Variants in P3H2 observed in about 807,000 individuals in gnomAD.
P3H2 encodes the protein prolyl 3-hydroxylase 2, also known as leprecan-like 1.
P3H2 carries 80 observed loss-of-function variants against 87.0 expected under a neutral mutation model. That is an observed-to-expected ratio of 0.92 (90% CI 0.77 to 1.11). The LOEUF is 1.11. P3H2 is among the 50% of genes least tolerant of loss of function. The probability of loss-of-function intolerance (pLI) is 0.00; values close to 1 mark genes in which losing one functional copy is unlikely to be tolerated. For synonymous variants in P3H2, 367 were observed against 359.3 expected, an observed-to-expected ratio of 1.02 and a Z score of -0.24; for missense variants, 1,001 against 923.9, an observed-to-expected ratio of 1.08 and a Z score of -1.08.
intron 1 of P3H2, among the ~76,000 whole-genome samples, chr3:190,028,269 G>A (rs1221075964): frequency 2.0e-5 from 3 of 152,108 alleles, no homozygotes; most frequent in Admixed American, 6.5e-5. Context: ...ATTCTCAACT[G>A]GGGAATAATT....
chr3:190,026,755 T>G (rs1213063339), intron 1 of P3H2, among the ~76,000 whole-genome samples: 1 of 152,178 alleles, frequency 6.6e-6, no homozygotes, highest in Non-Finnish European at 1.5e-5. Flanking sequence ...TTGCGGGAGA[T>G]CCAAGAACCC....
chr3:189,970,744 G>A, intron 13 of P3H2, 72 bp downstream of exon 13: 1 of 874,104 alleles, frequency 1.1e-6, no homozygotes, highest in Non-Finnish European at 2.0e-6. Context: ...CTAACCATCT[G>A]TAAGTACTTA....
chr3:190,040,296 G>T (rs1725568369), intron 1 of P3H2, among the ~76,000 whole-genome samples: 1 of 152,094 alleles, frequency 6.6e-6, no homozygotes, highest in African/African-American at 2.4e-5. Flanking sequence ...GTTTTTATTG[G>T]GTCTATAAAC....
intron 1 of P3H2, among the ~76,000 whole-genome samples, chr3:190,050,530 G>T (rs1231887093): frequency 6.6e-6 from 1 of 152,086 alleles, no homozygotes; most frequent in East Asian, 1.9e-4. Flanking sequence ...TTTTCTGGAA[G>T]GCATGTCTTA....
At chr3:190,026,398 C>T (rs1476158337) in intron 1 of P3H2, among the ~76,000 whole-genome samples, 2 of 152,160 alleles carry the variant, frequency 1.3e-5, no homozygotes, top group African/African-American at 4.8e-5. Flanking sequence ...ACAGGTCATA[C>T]AGACCTTGCT....
chr3:189,997,691 C>T (rs900900172), intron 1 of P3H2, among the ~76,000 whole-genome samples: 2 of 152,146 alleles, frequency 1.3e-5, no homozygotes, highest in Admixed American at 6.5e-5. Context: ...TAAATCTTGC[C>T]TGAAATGAGC....
At chr3:190,004,576 G>A (rs1233723965) in intron 1 of P3H2, among the ~76,000 whole-genome samples, 1 of 151,910 alleles carries the variant, frequency 6.6e-6, no homozygotes, top group Non-Finnish European at 1.5e-5. Flanking sequence ...TAGAGACGGG[G>A]TTTCACCGTC....
rs374270168 is a variant in P3H2 at position 190,022,819 on chromosome 3, A to AAT, written c.481-27379_481-27378dup. On this transcript the variant is annotated intron_variant, in intron 1 of 14. Coordinates refer to ENST00000319332, the MANE Select transcript of P3H2 (RefSeq NM_018192.4). Reference sequence around the variant, plus strand: ...TAAGTAAGTCCAATACAGGGCAAAAAATATATATATATATTTCTTTTTTTT... The same window carrying AAT: ...TAAGTAAGTCCAATACAGGGCAAAAAATATATATATATATATTTCTTTTTTTT... 2.2e-3 allele frequency among the ~76,000 whole-genome samples: 333 copies of AAT among 151,554 alleles called. 1 individual carries two copies. The highest frequency in any genetic ancestry group is 3.3e-3 in the Non-Finnish European group (223 of 67,852).
chr3:190,119,176 GGAGAGGAGA>G (rs1712427555), intron 1 of P3H2, among the ~76,000 whole-genome samples: 1 of 53,630 alleles, frequency 1.9e-5, no homozygotes, highest in Admixed American at 1.7e-4. Context: ...GGAGGGGAGA[GGAGAGGAGA>G]GGAGAGGAGG....
At chr3:190,109,731 T>C (rs182289880) in intron 1 of P3H2, among the ~76,000 whole-genome samples, 14 of 152,186 alleles carry the variant, frequency 9.2e-5, no homozygotes, top group Admixed American at 2.0e-4. Flanking sequence ...AAAAGATATC[T>C]AGCTGCAGCC....
At chr3:189,971,820 A>T (rs1219906079) in intron 12 of P3H2, 70 bp downstream of exon 12, 38 of 920,422 alleles carry the variant, frequency 4.1e-5, no homozygotes, top group Non-Finnish European at 1.1e-5. Context: ...AAAACAGAGC[A>T]CCTTTCCAGT....
chr3:190,021,212 C>T (rs13322557), intron 1 of P3H2, among the ~76,000 whole-genome samples: 2 of 134,294 alleles, frequency 1.5e-5, no homozygotes, highest in African/African-American at 2.6e-5. Context: ...AAAGTGCTTG[C>T]GAGGTTCCAG....
chr3:189,984,791 G>A (rs1723641181), intron 6 of P3H2, among the ~76,000 whole-genome samples: 3 of 152,018 alleles, frequency 2.0e-5, no homozygotes, highest in Admixed American at 2.0e-4. Context: ...GATTTGGCAA[G>A]GAAAAAATGA....
intron 1 of P3H2, among the ~76,000 whole-genome samples, chr3:190,027,639 T>A (rs560979827): frequency 3.3e-5 from 5 of 150,624 alleles, no homozygotes; most frequent in African/African-American, 9.8e-5. Context: ...TTTTTTTTTT[T>A]AAGCAATGGC....
At chr3:189,979,164 C>T (rs991250611) in intron 8 of P3H2, among the ~76,000 whole-genome samples, 2 of 152,110 alleles carry the variant, frequency 1.3e-5, no homozygotes, top group Non-Finnish European at 2.9e-5. Flanking sequence ...TGGCTCACAC[C>T]TGTAATCCTA....
At chr3:190,093,362 C>A (rs980563602) in intron 1 of P3H2, among the ~76,000 whole-genome samples, 2 of 151,984 alleles carry the variant, frequency 1.3e-5, no homozygotes, top group Non-Finnish European at 2.9e-5. Flanking sequence ...CTTCTATACA[C>A]GTGACTAGCT....
At chr3:190,107,813 A>T (rs1711905600) in intron 1 of P3H2, among the ~76,000 whole-genome samples, 1 of 152,210 alleles carries the variant, frequency 6.6e-6, no homozygotes, top group Non-Finnish European at 1.5e-5. Flanking sequence ...AATAGTACAG[A>T]TTCTTTTACA....
chr3:190,073,927 G>A (rs62279648), intron 1 of P3H2, among the ~76,000 whole-genome samples: 3,250 of 152,218 alleles, frequency 0.021, 81 homozygotes, highest in South Asian at 0.14. Context: ...AACAAATAAC[G>A]CTTTAGGGGA....
At chr3:190,029,500 T>C (rs1212072693) in intron 1 of P3H2, among the ~76,000 whole-genome samples, 2 of 150,840 alleles carry the variant, frequency 1.3e-5, no homozygotes, top group African/African-American at 2.4e-5. Flanking sequence ...GTGACTTTCT[T>C]TTTTTTTTGC....
Sources: allele counts gnomAD v4.1 joint callset (sites outside exome capture counted in the v4.1 genomes callset), GRCh38; gene constraint gnomAD v4.1.1; transcripts MANE v1.5; gene names NCBI Gene and HGNC (gene_info 2026-07-23, HGNC 2026-07-21).